Variants in AUH observed in about 807,000 individuals in gnomAD.
The protein encoded by AUH is methylglutaconyl-CoA hydratase, mitochondrial.
A neutral mutation model predicts 42.3 loss-of-function variants in AUH; 29 were observed. The ratio of observed to expected loss-of-function variants is 0.69; its 90% CI spans 0.51 to 0.93. The LOEUF is 0.93. Ranked by LOEUF, AUH falls within the 40% of genes least tolerant of loss-of-function variation. The pLI is 0.00. For missense variants in AUH, 452 were observed against 438.1 expected (o/e 1.03, Z -0.28); for synonymous variants, 174 against 166.4 (o/e 1.05, Z -0.35).
intron 1 of AUH, among the ~76,000 whole-genome samples, chr9:91,357,194 C>CA (rs1317142174): frequency 6.6e-6 from 1 of 152,198 alleles, no homozygotes; most frequent in Non-Finnish European, 1.5e-5. Context: ...ATACTACTGA[C>CA]AACAGCTACC....
At position 91,332,361 on chromosome 9, in the gene AUH, G is replaced by A. The variant is rs529799534; in HGVS notation, c.419-6957C>T. Among the ~76,000 whole-genome samples, 213 of 152,256 alleles carry A rather than the reference G, an allele frequency of 1.4e-3. 1 individual carries two copies. The highest frequency in any genetic ancestry group is 2.5e-3 in the Non-Finnish European group (169 of 68,012). ...TACTAAAAACACAAAAATTAGCCAG[G>A]AGTGGTGGCGGGTGCCTGTAATCTC... On this transcript the variant is annotated intron_variant, in intron 3 of 9. Coordinates refer to ENST00000375731, the MANE Select transcript of AUH (RefSeq NM_001698.3).
intron 5 of AUH, among the ~76,000 whole-genome samples, chr9:91,296,991 G>A (rs962141212): frequency 6.6e-6 from 1 of 152,262 alleles, no homozygotes; most frequent in Admixed American, 6.5e-5. Flanking sequence ...ATAATGGAAA[G>A]CAAGAGAAGA....
chr9:91,352,785 GCA>G (rs1390003363), intron 3 of AUH, among the ~76,000 whole-genome samples: 5 of 152,140 alleles, frequency 3.3e-5, no homozygotes, highest in Admixed American at 1.3e-4. Context: ...GTGAATTAAA[GCA>G]CAGTTTAAAG....
intron 3 of AUH, among the ~76,000 whole-genome samples, chr9:91,338,517 A>C (rs966104868): frequency 1.3e-5 from 2 of 151,012 alleles, no homozygotes; most frequent in African/African-American, 4.9e-5. Flanking sequence ...TGCAACATCC[A>C]CCTCCCAGGT....
chr9:91,249,547 A>AATT (rs1193959977), intron 6 of AUH, among the ~76,000 whole-genome samples: 3 of 152,130 alleles, frequency 2.0e-5, no homozygotes, highest in Admixed American at 6.6e-5. Context: ...TAAGATCAGC[A>AATT]ATATAAGAGA....
intron 6 of AUH, among the ~76,000 whole-genome samples, chr9:91,224,708 C>T (rs1178068385): frequency 6.6e-6 from 1 of 152,162 alleles, no homozygotes; most frequent in African/African-American, 2.4e-5. Flanking sequence ...TTCATTCACT[C>T]ATTCCCACTG....
At chr9:91,291,526 C>T (rs1266295532) in intron 6 of AUH, among the ~76,000 whole-genome samples, 1 of 152,168 alleles carries the variant, frequency 6.6e-6, no homozygotes, top group Non-Finnish European at 1.5e-5. Flanking sequence ...ATAAATCCTT[C>T]TGGTGTTTTT....
At chr9:91,229,841 C>G (rs1252686881) in intron 6 of AUH, among the ~76,000 whole-genome samples, 1 of 150,668 alleles carries the variant, frequency 6.6e-6, no homozygotes, top group Non-Finnish European at 1.5e-5. Context: ...ATATGAAATT[C>G]TGGGTTGAAA....
At chr9:91,232,200 C>T (rs752808869) in intron 6 of AUH, among the ~76,000 whole-genome samples, 4 of 152,038 alleles carry the variant, frequency 2.6e-5, no homozygotes, top group Non-Finnish European at 5.9e-5. Flanking sequence ...GCCTGGCCAA[C>T]GTAACAAGAC....
intron 6 of AUH, among the ~76,000 whole-genome samples, chr9:91,270,486 T>G (rs1455832819): frequency 6.6e-6 from 1 of 152,188 alleles, no homozygotes; most frequent in Non-Finnish European, 1.5e-5. Context: ...AAACGTCTAC[T>G]GTAGATTCTC....
chr9:91,276,650 T>C (rs1825567519), intron 6 of AUH, among the ~76,000 whole-genome samples: 1 of 152,078 alleles, frequency 6.6e-6, no homozygotes, highest in African/African-American at 2.4e-5. Context: ...ATGCAAGTAA[T>C]GAAACACTAA....
intron 4 of AUH, among the ~76,000 whole-genome samples, chr9:91,317,075 A>G (rs374549921): frequency 2.7e-4 from 41 of 152,318 alleles, no homozygotes; most frequent in African/African-American, 8.9e-4. Context: ...TGGGGGTTCT[A>G]TATTTCAACC....
At chr9:91,251,808 A>C (rs1449346830) in intron 6 of AUH, among the ~76,000 whole-genome samples, 2 of 150,100 alleles carry the variant, frequency 1.3e-5, no homozygotes, top group African/African-American at 2.5e-5. Flanking sequence ...ATGTAATTAT[A>C]ATGTGGTAAG....
At chr9:91,360,123 A>T (rs541906542) in intron 1 of AUH, among the ~76,000 whole-genome samples, 110 of 152,342 alleles carry the variant, frequency 7.2e-4, no homozygotes, top group African/African-American at 2.6e-3. Context: ...GTCTGTCCAG[A>T]CATTCTGCAC....
At chr9:91,220,693 A>C in intron 7 of AUH, 112 bp downstream of exon 7, 1 of 1,149,436 alleles carries the variant, frequency 8.7e-7, no homozygotes, top group Non-Finnish European at 1.3e-6. Flanking sequence ...GCATCCCTTT[A>C]CTTGGAAGCA....
chr9:91,295,950 A>T lies in AUH; in HGVS notation c.655+71T>A. On this transcript the variant is annotated intron_variant, in intron 6 of 9. Coordinates refer to ENST00000375731, the MANE Select transcript of AUH (RefSeq NM_001698.3). ...GCAAAATGTTGCCTTTCCAATTAAC[A>T]TGATTTTGCCTTATGCCCTGTTTCT... 3.2e-6 allele frequency: 5 copies of T among 1,541,730 alleles called. No individual in the cohort carries two copies. In the Admixed American group the frequency reaches 8.4e-5, roughly 26 times the overall value.
intron 6 of AUH, among the ~76,000 whole-genome samples, chr9:91,272,723 G>GGT (rs940015579): frequency 3.9e-5 from 6 of 151,964 alleles, no homozygotes; most frequent in African/African-American, 1.2e-4. Flanking sequence ...GAAGGCTGGG[G>GGT]GTTTGTCTCT....
intron 4 of AUH, among the ~76,000 whole-genome samples, chr9:91,322,426 CTGAAGCTGGGGAG>C (rs886069235): frequency 2.0e-5 from 3 of 152,172 alleles, no homozygotes; most frequent in African/African-American, 7.2e-5. Context: ...AAACATGAGG[CTGAAGCTGGGGAG>C]AGAAGCAGGG....
rs201277834 is a variant in AUH at position 91,260,011 on chromosome 9, GATTT to G, written c.655+36006_655+36009del. On this transcript the variant is annotated intron_variant, in intron 6 of 9. Transcript: ENST00000375731. Reference sequence around the variant, plus strand: ...TATGTAATCTCCAACCAAAACAGTTGATTTATTTATTTTTCCTTTTATTTCTGGA... The same window carrying G: ...TATGTAATCTCCAACCAAAACAGTTGATTTATTTTTCCTTTTATTTCTGGA... Among the ~76,000 whole-genome samples, 688 of 152,040 alleles carry G rather than the reference GATTT, an allele frequency of 4.5e-3. 18 individuals carry two copies. The highest frequency in any genetic ancestry group is 0.041 in the Admixed American group (628 of 15,288).
Sources: allele counts gnomAD v4.1 joint callset (sites outside exome capture counted in the v4.1 genomes callset), GRCh38; gene constraint gnomAD v4.1.1; transcripts MANE v1.5; gene names NCBI Gene and HGNC (gene_info 2026-07-23, HGNC 2026-07-21).